Variants in CPHXL2 observed in about 807,000 individuals in gnomAD.
CPHXL2 encodes the protein cytoplasmic polyadenylated homeobox like 2.
chr16:75,671,574 T>C, the CPHXL2 span, among the ~76,000 whole-genome samples: 1 of 152,166 alleles, frequency 6.6e-6, no homozygotes, highest in South Asian at 2.1e-4. Flanking sequence ...GTCTATCTTA[T>C]TTACTATTTT....
chr16:75,674,751 C>T, the CPHXL2 span, among the ~76,000 whole-genome samples: 1 of 151,920 alleles, frequency 6.6e-6, no homozygotes, highest in Non-Finnish European at 1.5e-5. Context: ...GCTCTGTCTC[C>T]CAGGCTGGAG....
the CPHXL2 span, among the ~76,000 whole-genome samples, chr16:75,671,582 T>G: frequency 3.3e-5 from 5 of 152,182 alleles, no homozygotes; most frequent in Non-Finnish European, 7.3e-5. Context: ...TATTTACTAT[T>G]TTTTGAAAGC....
At chr16:75,667,687 GCAA>G in the CPHXL2 span, among the ~76,000 whole-genome samples, 1 of 152,302 alleles carries the variant, frequency 6.6e-6, no homozygotes, top group East Asian at 1.9e-4. Flanking sequence ...TCATAAACAG[GCAA>G]TTTTCAAATT....
chr16:75,669,315 T>TAAA, the CPHXL2 span: 199 of 371,268 alleles, frequency 5.4e-4, no homozygotes, highest in African/African-American at 3.1e-3. Flanking sequence ...AGACCTTTCC[T>TAAA]AAAAAAAAAA....
chr16:75,663,816 G>A, the CPHXL2 span, among the ~76,000 whole-genome samples: 1 of 148,354 alleles, frequency 6.7e-6, no homozygotes, highest in Non-Finnish European at 1.5e-5. Context: ...AACCTGGGAG[G>A]CGGAGCTTAC....
At chr16:75,661,886 C>T in the CPHXL2 span, among the ~76,000 whole-genome samples, 1 of 152,134 alleles carries the variant, frequency 6.6e-6, no homozygotes, top group African/African-American at 2.4e-5. Flanking sequence ...CTACTGTGAG[C>T]AAATGTGTTT....
chr16:75,663,885 C>CA, the CPHXL2 span, among the ~76,000 whole-genome samples: 10,267 of 84,970 alleles, frequency 0.12, 1,673 homozygotes, highest in East Asian at 0.65. Flanking sequence ...GACTCTGTCT[C>CA]AAAAAAAAAA....
the CPHXL2 span, among the ~76,000 whole-genome samples, chr16:75,663,224 G>T: frequency 6.6e-6 from 1 of 152,054 alleles, no homozygotes; most frequent in East Asian, 1.9e-4. Flanking sequence ...AGGCTATTAG[G>T]AGCACTGAAG....
At chr16:75,668,833 T>C in the CPHXL2 span, among the ~76,000 whole-genome samples, 1 of 152,198 alleles carries the variant, frequency 6.6e-6, no homozygotes, top group Non-Finnish European at 1.5e-5. Flanking sequence ...GCCTATTTTC[T>C]TTTTTTAAAT....
the CPHXL2 span, among the ~76,000 whole-genome samples, chr16:75,670,435 G>C: frequency 6.6e-6 from 1 of 152,134 alleles, no homozygotes; most frequent in South Asian, 2.1e-4. Flanking sequence ...TAGCTGGTTT[G>C]TGAACATTTG....
chr16:75,669,605 A>G, the CPHXL2 span: 4 of 398,204 alleles, frequency 1.0e-5, no homozygotes, highest in African/African-American at 8.2e-5. Context: ...TATTGGTAAT[A>G]ACCAGACCAA....
chr16:75,662,332 TTTC>T, the CPHXL2 span, among the ~76,000 whole-genome samples: 1 of 143,940 alleles, frequency 6.9e-6, no homozygotes, highest in African/African-American at 2.8e-5. Flanking sequence ...TTTTCTTTCT[TTTC>T]TTTTTTTTTT....
the CPHXL2 span, among the ~76,000 whole-genome samples, chr16:75,675,780 T>C: frequency 3.0e-4 from 46 of 152,162 alleles, 1 homozygote; most frequent in African/African-American, 1.1e-3. Flanking sequence ...GGGGCAAGAT[T>C]TGAAAAATAC....
At chr16:75,671,965 G>C in the CPHXL2 span, among the ~76,000 whole-genome samples, 2 of 151,918 alleles carry the variant, frequency 1.3e-5, no homozygotes, top group African/African-American at 4.8e-5. Flanking sequence ...CTGTCACCTG[G>C]GACATGCTAA....
the CPHXL2 span, chr16:75,660,865 C>T: frequency 1.5e-4 from 59 of 398,640 alleles, no homozygotes; most frequent in African/African-American, 1.1e-3. Context: ...AAAGCATAGC[C>T]TGGATGCTTT....
chr16:75,663,649 C>G, the CPHXL2 span, among the ~76,000 whole-genome samples: 1 of 151,874 alleles, frequency 6.6e-6, no homozygotes, highest in African/African-American at 2.4e-5. Context: ...TTTGGGAGGC[C>G]GAGGCAGGTG....
At chr16:75,670,697 T>C in the CPHXL2 span, among the ~76,000 whole-genome samples, 3 of 152,134 alleles carry the variant, frequency 2.0e-5, no homozygotes, top group Non-Finnish European at 4.4e-5. Context: ...GGTTTCCCCA[T>C]GTTGGCCAAG....
chr16:75,674,911 C>CTATTAGAGTG, the CPHXL2 span, among the ~76,000 whole-genome samples: 1 of 151,698 alleles, frequency 6.6e-6, no homozygotes, highest in Non-Finnish European at 1.5e-5. Flanking sequence ...GGTTTCACCA[C>CTATTAGAGTG]CGGGTGCGGT....
the CPHXL2 span, among the ~76,000 whole-genome samples, chr16:75,674,462 T>C: frequency 6.6e-6 from 1 of 150,978 alleles, no homozygotes; most frequent in Non-Finnish European, 1.5e-5. Context: ...AATAAATGGA[T>C]AGTTTATGTA....
Sources: gnomAD v4.1 joint callset for allele counts (sites outside exome capture counted in the v4.1 genomes callset) on GRCh38, gnomAD v4.1.1 for gene constraint, MANE v1.5 for transcripts, NCBI Gene and HGNC (gene_info 2026-07-23, HGNC 2026-07-21) for gene names.